Variants in SAR1A observed in about 807,000 individuals in gnomAD.
SAR1A encodes small COPII coat GTPase SAR1A.
A neutral mutation model predicts 22.6 loss-of-function variants in SAR1A; 6 were observed. The observed-to-expected ratio is 0.27, with a 90% CI of 0.15 to 0.52. The LOEUF (loss-of-function observed/expected upper bound fraction) is 0.52, where lower values mean the gene tolerates loss of function less well. SAR1A is among the 20% of genes least tolerant of loss of function. SAR1A has a pLI of 0.96. For missense variants in SAR1A, 145 were observed against 245.1 expected (o/e 0.59, Z 2.73); for synonymous variants, 70 against 82.2 (o/e 0.85, Z 0.80).
intron 2 of SAR1A, 29 bp downstream of exon 2, chr10:70,161,828 GA>G (rs1564570761): frequency 6.2e-7 from 1 of 1,613,420 alleles, no homozygotes; most frequent in Admixed American, 1.7e-5. Context: ...CACAAACTTT[GA>G]AACCTGTATT....
At chr10:70,163,781 C>T (rs878921033) in intron 1 of SAR1A, 2 of 1,150,492 alleles carry the variant, frequency 1.7e-6, no homozygotes, top group Admixed American at 3.4e-5. Flanking sequence ...AACAAAGAAA[C>T]TAGGAACTGT....
intron 1 of SAR1A, among the ~76,000 whole-genome samples, chr10:70,164,571 TCA>T (rs1839520744): frequency 6.6e-6 from 1 of 152,220 alleles, no homozygotes; most frequent in African/African-American, 2.4e-5. Flanking sequence ...CCCAGGTACC[TCA>T]CACACTGTTT....
At chr10:70,168,364 G>A (rs1839579278) in intron 1 of SAR1A, among the ~76,000 whole-genome samples, 1 of 152,208 alleles carries the variant, frequency 6.6e-6, no homozygotes, top group Admixed American at 6.5e-5. Flanking sequence ...GGAGGCCGAG[G>A]CAAGTGGATG....
At chr10:70,156,190 T>A (rs561094336) in intron 5 of SAR1A, among the ~76,000 whole-genome samples, 2 of 151,958 alleles carry the variant, frequency 1.3e-5, no homozygotes, top group Non-Finnish European at 2.9e-5. Context: ...AGAAATGCAT[T>A]TGAGAGTCAC....
chr10:70,158,963 G>A (rs1209761923), intron 4 of SAR1A, among the ~76,000 whole-genome samples: 1 of 152,126 alleles, frequency 6.6e-6, no homozygotes, highest in Non-Finnish European at 1.5e-5. Context: ...ACAATTCCCA[G>A]TTCAGGTATA....
intron 1 of SAR1A, among the ~76,000 whole-genome samples, chr10:70,168,175 T>C (rs985696949): frequency 2.6e-5 from 4 of 152,234 alleles, no homozygotes; most frequent in Non-Finnish European, 4.4e-5. Context: ...TGCTGATTTG[T>C]ATGCTCCAAG....
rs1839356079 is a variant in SAR1A, at chr10:70,153,894, T to C, written c.424A>G (p.Ile142Val). ...ATCTCACGGAGTTTTTCTTCACTGA[T>C]TGCATCTGTTCTGTCAATTTTGTTA... ...LGNKIDRTDA[I>V]SEEKLREIFG... Residue 142 changes from isoleucine to valine, a missense_variant, in exon 6 of 7, where the codon ATC (isoleucine) becomes GTC (valine). Coordinates refer to ENST00000373241, the MANE Select transcript of SAR1A (RefSeq NM_020150.5). 1.2e-6 allele frequency: 2 copies of C among 1,609,664 alleles called. No homozygotes were observed. The highest frequency in any genetic ancestry group is 1.7e-6 in the Non-Finnish European group (2 of 1,178,330).
intron 1 of SAR1A, 126 bp from the exon 2 acceptor site, chr10:70,162,057 A>G: frequency 1.4e-6 from 1 of 707,748 alleles, no homozygotes; most frequent in South Asian, 1.9e-5. Flanking sequence ...ATAAGAAAGC[A>G]GGCCAGGCAT....
intron 6 of SAR1A, among the ~76,000 whole-genome samples, chr10:70,153,263 A>G (rs770306667): frequency 5.9e-5 from 9 of 152,230 alleles, no homozygotes; most frequent in Non-Finnish European, 1.3e-4. Flanking sequence ...CTTTTCTACA[A>G]GAGTCCTCCT....
Position 70,152,072 on chromosome 10 carries a change from C to A in SAR1A, c.*404G>T, listed in dbSNP as rs1003618503. On this transcript the variant is annotated 3_prime_UTR_variant, in exon 7 of 7. Coordinates refer to ENST00000373241, the MANE Select transcript of SAR1A (RefSeq NM_020150.5). The stretch of plus-strand genomic sequence containing the variant: ...AAAAAAAAGAATAGAAAACTCTGGA[C>A]CAAGTAAATTGTGAACTCAAAAAGT... 1 of 224,308 alleles carries A rather than the reference C, an allele frequency of 4.5e-6. No individual in the cohort carries two copies. Among genetic ancestry groups the A allele is most frequent in the Non-Finnish European group, 9.2e-6 (1 of 109,016 alleles). The allele number at this position is 224,308 out of a possible 1,614,324, so 13.9% of individuals were successfully genotyped here.
At chr10:70,154,940 G>A (rs983826333) in intron 5 of SAR1A, 4 of 354,828 alleles carry the variant, frequency 1.1e-5, no homozygotes, top group Admixed American at 8.1e-5. Context: ...GGCAGGGTTT[G>A]GATAGGTGTA....
chr10:70,170,224 G>A (rs913653420), intron 1 of SAR1A, among the ~76,000 whole-genome samples, 189 bp downstream of exon 1: 22 of 151,994 alleles, frequency 1.4e-4, no homozygotes, highest in African/African-American at 5.3e-4. Flanking sequence ...GGACAGCAGG[G>A]GACGGAGCAG....
chr10:70,169,580 T>A (rs1839598256), intron 1 of SAR1A, among the ~76,000 whole-genome samples: 1 of 152,218 alleles, frequency 6.6e-6, no homozygotes, highest in Admixed American at 6.5e-5. Context: ...TTAGCCAATT[T>A]AAAAATTTAC....
chr10:70,157,382 C>T (rs139203288), intron 5 of SAR1A, among the ~76,000 whole-genome samples: 5,906 of 144,412 alleles, frequency 0.041, 223 homozygotes, highest in East Asian at 0.15. Flanking sequence ...CCAACCTGGG[C>T]AACAGAGCAA....
intron 6 of SAR1A, among the ~76,000 whole-genome samples, chr10:70,153,369 C>A (rs1839351178): frequency 6.6e-6 from 1 of 152,128 alleles, no homozygotes; most frequent in African/African-American, 2.4e-5. Context: ...ACAAATCACT[C>A]TCTGTTTCTT....
chr10:70,167,033 A>G (rs190874706), intron 1 of SAR1A, among the ~76,000 whole-genome samples: 1 of 152,186 alleles, frequency 6.6e-6, no homozygotes, highest in East Asian at 1.9e-4. Flanking sequence ...AATACTTTTC[A>G]GGATATAGCA....
intron 6 of SAR1A, among the ~76,000 whole-genome samples, chr10:70,153,559 T>G (rs1369139050): frequency 2.0e-5 from 3 of 152,234 alleles, no homozygotes; most frequent in Admixed American, 2.0e-4. Context: ...CAAAAGCAAT[T>G]TCTCAGAATC....
At chr10:70,158,388 C>G (rs904498195) in intron 4 of SAR1A, among the ~76,000 whole-genome samples, 1 of 152,224 alleles carries the variant, frequency 6.6e-6, no homozygotes, top group South Asian at 2.1e-4. Flanking sequence ...TTGACACATT[C>G]CTCTGCTCAG....
intron 1 of SAR1A, among the ~76,000 whole-genome samples, chr10:70,162,438 GAAAA>G (rs1282884053): frequency 1.3e-4 from 16 of 124,132 alleles, no homozygotes; most frequent in African/African-American, 4.8e-4. Flanking sequence ...GAAAGGAAAG[GAAAA>G]GAAAAGAAAA....
Sources: gnomAD v4.1 joint callset for allele counts (sites outside exome capture counted in the v4.1 genomes callset) on GRCh38, gnomAD v4.1.1 for gene constraint, MANE v1.5 for transcripts, NCBI Gene and HGNC (gene_info 2026-07-23, HGNC 2026-07-21) for gene names.